Variants in DCAF8L2 observed in about 807,000 individuals in gnomAD.
DCAF8L2 encodes DDB1 and CUL4 associated factor 8 like 2, also known as DDB1- and CUL4-associated factor 8-like protein 2.
For synonymous variants in DCAF8L2, 200 were observed against 190.9 expected, an observed-to-expected ratio of 1.05 and a Z score of -0.39; for missense variants, 430 against 490.7, an observed-to-expected ratio of 0.88 and a Z score of 1.17.
the DCAF8L2 span, among the ~76,000 whole-genome samples, chrX:27,546,297 G>A: frequency 8.9e-6 from 1 of 111,736 alleles, no homozygotes; most frequent in African/African-American, 3.3e-5. Flanking sequence ...CATGGTCTTG[G>A]GCAGCTCTGC....
At chrX:27,648,477 G>A (rs1403974173) in intron 2 of DCAF8L2, among the ~76,000 whole-genome samples, 1 of 106,518 alleles carries the variant, frequency 9.4e-6, no homozygotes, top group Non-Finnish European at 1.9e-5. Context: ...TCAAAGGTCA[G>A]TAGTAACATT....
At chrX:27,535,773 G>A in the DCAF8L2 span, among the ~76,000 whole-genome samples, 3 of 111,142 alleles carry the variant, frequency 2.7e-5, no homozygotes, top group Non-Finnish European at 3.8e-5. Context: ...TTTCTTTACT[G>A]AGCTCACGCA....
At chrX:27,610,123 C>T (rs1197270703) in intron 1 of DCAF8L2, among the ~76,000 whole-genome samples, 1 of 111,714 alleles carries the variant, frequency 9.0e-6, no homozygotes, top group Non-Finnish European at 1.9e-5. Context: ...AAAAACTATT[C>T]ATTGAATGCC....
At chrX:27,618,827 T>C (rs1490052446) in intron 1 of DCAF8L2, among the ~76,000 whole-genome samples, 1 of 111,434 alleles carries the variant, frequency 9.0e-6, no homozygotes, top group Non-Finnish European at 1.9e-5. Context: ...ATGATTGGAT[T>C]TTAAGCTTTA....
chrX:27,626,180 A>G lies in DCAF8L2; in HGVS notation c.-341-5699A>G, dbSNP rs181155094. Among the ~76,000 whole-genome samples, 6 of 111,769 alleles carry G rather than the reference A, an allele frequency of 5.4e-5. No homozygotes were observed. The East Asian group carries it at 8.5e-4, about 16-fold the overall frequency. ...TAGCTACCAAGGGGAATTTGGAGAC[A>G]TGAAGAAGTGCTCATCTGACGGGAG... On this transcript the variant is annotated intron_variant, in intron 1 of 4. Transcript: ENST00000451261.
At chrX:27,568,125 C>T in the DCAF8L2 span, among the ~76,000 whole-genome samples, 4 of 111,152 alleles carry the variant, frequency 3.6e-5, no homozygotes, top group Non-Finnish European at 1.9e-5. Flanking sequence ...TTAATCTGGT[C>T]TGTTGGAGCC....
chrX:27,519,787 T>C, the DCAF8L2 span: 1 of 510,270 alleles, frequency 2.0e-6, no homozygotes, highest in South Asian at 3.0e-5. Flanking sequence ...TTTAATCTGA[T>C]TTTTTTAAAG....
chrX:27,656,054 TC>T (rs1321828738), intron 2 of DCAF8L2, among the ~76,000 whole-genome samples: 1 of 111,752 alleles, frequency 8.9e-6, no homozygotes, highest in Non-Finnish European at 1.9e-5. Context: ...TGCTTGCAAT[TC>T]CTTCTGAGAG....
intron 1 of DCAF8L2, among the ~76,000 whole-genome samples, chrX:27,603,029 T>A (rs1926721067): frequency 8.9e-6 from 1 of 111,899 alleles, no homozygotes; most frequent in African/African-American, 3.2e-5. Flanking sequence ...GTATTCTTTA[T>A]AATGACAAAA....
the DCAF8L2 span, among the ~76,000 whole-genome samples, chrX:27,523,056 A>G: frequency 0.017 from 1,875 of 112,068 alleles, 17 homozygotes; most frequent in Middle Eastern, 0.042. Context: ...TGCCTGTAGG[A>G]TTTGCATAAA....
chrX:27,584,311 CAT>C, the DCAF8L2 span, among the ~76,000 whole-genome samples: 1 of 110,578 alleles, frequency 9.0e-6, no homozygotes, highest in African/African-American at 3.3e-5. Context: ...CACACACACA[CAT>C]ATACACACAC....
At chrX:27,567,080 G>T in the DCAF8L2 span, among the ~76,000 whole-genome samples, 3 of 111,250 alleles carry the variant, frequency 2.7e-5, no homozygotes, top group East Asian at 8.5e-4. Context: ...TCACTCCACC[G>T]TGGTCCGAGA....
At chrX:27,734,943 A>G in intron 4 of DCAF8L2, among the ~76,000 whole-genome samples, 1 of 111,845 alleles carries the variant, frequency 8.9e-6, no homozygotes, top group East Asian at 2.8e-4. Flanking sequence ...TCTGTAACGC[A>G]CTAAATTATG....
the DCAF8L2 span, among the ~76,000 whole-genome samples, chrX:27,485,640 G>A: frequency 9.0e-6 from 1 of 110,968 alleles, no homozygotes; most frequent in South Asian, 3.7e-4. Context: ...TAATCTTCTG[G>A]TCATCCTTAA....
chrX:27,537,855 A>T, the DCAF8L2 span, among the ~76,000 whole-genome samples: 5 of 112,264 alleles, frequency 4.5e-5, no homozygotes, highest in African/African-American at 1.6e-4. Flanking sequence ...TGGCATATTT[A>T]GCAACTGGTG....
the DCAF8L2 span, among the ~76,000 whole-genome samples, chrX:27,538,812 T>C: frequency 2.7e-5 from 3 of 112,196 alleles, no homozygotes. Flanking sequence ...CATGATAGAC[T>C]TGACAGAGAG....
At chrX:27,489,277 T>G in the DCAF8L2 span, among the ~76,000 whole-genome samples, 4 of 111,127 alleles carry the variant, frequency 3.6e-5, no homozygotes, top group South Asian at 1.1e-3. Context: ...TTTTGTAGTT[T>G]TAATAGAGAC....
At chrX:27,549,602 G>A in the DCAF8L2 span, among the ~76,000 whole-genome samples, 2 of 107,084 alleles carry the variant, frequency 1.9e-5, no homozygotes, top group African/African-American at 6.7e-5. Flanking sequence ...TAATGAATAA[G>A]AGAATGAATG....
chrX:27,548,714 C>CT, the DCAF8L2 span, among the ~76,000 whole-genome samples: 13 of 111,762 alleles, frequency 1.2e-4, no homozygotes, highest in Non-Finnish European at 2.3e-4. Flanking sequence ...TGATTATACT[C>CT]TAAGGGGGCT....
Sources: allele counts gnomAD v4.1 joint callset (sites outside exome capture counted in the v4.1 genomes callset), GRCh38; gene constraint gnomAD v4.1.1; transcripts MANE v1.5; gene names NCBI Gene and HGNC (gene_info 2026-07-23, HGNC 2026-07-21).